The following BTD variants were observed in gnomAD, a reference collection of about 807,000 sequenced individuals.
The protein encoded by BTD is biotinidase, also known as biocytinase.
BTD carries 13 observed loss-of-function variants against 17.7 expected under a neutral mutation model. The observed-to-expected ratio is 0.74, with a 90% CI of 0.48 to 1.17. The LOEUF (loss-of-function observed/expected upper bound fraction) is 1.17. Among genes scored for constraint, BTD ranks in the 50% most tolerant of loss-of-function variants. The probability of loss-of-function intolerance (pLI) is 0.00; values close to 1 mark genes in which losing one functional copy is unlikely to be tolerated. For synonymous variants in BTD, 240 were observed against 245.2 expected, an observed-to-expected ratio of 0.98 and a Z score of 0.20; for missense variants, 674 against 650.4, an observed-to-expected ratio of 1.04 and a Z score of -0.39.
chr3:15,677,531 C>A, intron 3 of BTD: 1 of 1,612,968 alleles, frequency 6.2e-7, no homozygotes, highest in South Asian at 1.1e-5. Context: ...CTTGTAAAGT[C>A]AGTTCTGCAC....
At chr3:15,685,981 A>C (rs144141033) in intron 3 of BTD, 1 of 1,595,180 alleles carries the variant, frequency 6.3e-7, no homozygotes, top group Admixed American at 1.7e-5. Context: ...TTTTGAAAGG[A>C]AAGAGCATAT....
chr3:15,608,855 T>A (rs2064535072), intron 1 of BTD, among the ~76,000 whole-genome samples: 1 of 152,168 alleles, frequency 6.6e-6, no homozygotes. Context: ...CAAGCAGCTA[T>A]CACCCATGTA....
chr3:15,686,707 C>A (rs1030785894), intron 3 of BTD, among the ~76,000 whole-genome samples: 2 of 152,308 alleles, frequency 1.3e-5, no homozygotes, highest in South Asian at 4.1e-4. Flanking sequence ...TTAAGGTGAG[C>A]AGCACAGGAA....
At chr3:15,619,160 A>T (rs1231452772) in intron 1 of BTD, among the ~76,000 whole-genome samples, 1 of 152,228 alleles carries the variant, frequency 6.6e-6, no homozygotes, top group East Asian at 1.9e-4. Flanking sequence ...CTCACCACTA[A>T]CTGTGATGTT....
rs994840514 is a variant in BTD at position 15,653,240 on chromosome 3, C to T, written c.*7752C>T. Among the ~76,000 whole-genome samples, 4 of 152,262 alleles carry T rather than the reference C, an allele frequency of 2.6e-5. No individual in the cohort carries two copies. Among genetic ancestry groups the T allele is most frequent in the African/African-American group, 9.6e-5 (4 of 41,468 alleles). On this transcript the variant is annotated 3_prime_UTR_variant, in exon 4 of 4. Transcript: ENST00000643237. Reference sequence around the variant, plus strand: ...CATCAATCTGTGTTTAACAAGTCCTCCAGGTGATTCCGATCCTAATCAAGT... The same window carrying T: ...CATCAATCTGTGTTTAACAAGTCCTTCAGGTGATTCCGATCCTAATCAAGT...
downstream of BTD, among the ~76,000 whole-genome samples, chr3:15,656,083 A>G (rs898476342): frequency 1.3e-5 from 2 of 152,270 alleles, no homozygotes; most frequent in Non-Finnish European, 2.9e-5. Context: ...GATTACAGGC[A>G]TGAGCCACTG....
chr3:15,668,614 TCA>T (rs2066101768), intron 3 of BTD: 1 of 152,558 alleles, frequency 6.6e-6, no homozygotes, highest in South Asian at 2.1e-4. Context: ...TAAATACAAC[TCA>T]CATCTGTGTT....
intron 3 of BTD, among the ~76,000 whole-genome samples, chr3:15,691,547 T>G (rs1211657795): frequency 1.3e-5 from 2 of 152,134 alleles, no homozygotes; most frequent in African/African-American, 4.8e-5. Context: ...CATAAAGAAA[T>G]AAATAAACTT....
chr3:15,650,354 C>A lies in BTD; in HGVS notation c.*4866C>A, dbSNP rs987878961. On this transcript the variant is annotated 3_prime_UTR_variant, in exon 4 of 4. Coordinates refer to ENST00000643237, the MANE Select transcript of BTD (RefSeq NM_001370658.1). The stretch of plus-strand genomic sequence containing the variant: ...AAATTACCAATATATGAACTCTAGG[C>A]ATCATGCATATATAATTTTTTGTAG... Among the ~76,000 whole-genome samples the A allele has an allele frequency of 1.3e-5, 2 of 151,892 alleles. No homozygotes were observed. Among genetic ancestry groups the A allele is most frequent in the Non-Finnish European group, 2.9e-5 (2 of 68,028 alleles).
At chr3:15,671,562 A>C (rs2066353748) in intron 3 of BTD, among the ~76,000 whole-genome samples, 1 of 150,722 alleles carries the variant, frequency 6.6e-6, no homozygotes, top group South Asian at 2.1e-4. Context: ...TTCAACTTGG[A>C]GTCATAAACA....
chr3:15,717,421 C>T (rs1464381381), downstream of BTD, among the ~76,000 whole-genome samples: 2 of 151,616 alleles, frequency 1.3e-5, no homozygotes. Flanking sequence ...GACACGTTAG[C>T]GGGGAGAAGG....
rs1461293882 is a variant in BTD at position 15,653,341 on chromosome 3, A to C, written c.*7853A>C. 6.6e-6 allele frequency among the ~76,000 whole-genome samples: 1 copy of C among 152,278 alleles called. No homozygotes were observed. The highest frequency in any genetic ancestry group is 2.4e-5 in the African/African-American group (1 of 41,480). On this transcript the variant is annotated 3_prime_UTR_variant, in exon 4 of 4. Transcript: ENST00000643237. ...AATCATCACCTCAGTCCTCTGAAAC[A>C]GGCAAGTGTGTCCATTTTACAGAAG...
rs1481222708 is a variant in BTD, at chr3:15,645,346, C to T, written c.1430C>T (p.Pro477Leu). ...WGNFSTSYIF[P>L]LFLTSGMTLE... ...AACTTCAGTACTTCCTATATCTTTCCTTTGTTTCTGACCTCAGGGATGACC... is the reference window on the plus strand; with the variant it reads ...AACTTCAGTACTTCCTATATCTTTCTTTTGTTTCTGACCTCAGGGATGACC... The change falls in exon 4 of 4, where the codon CCT becomes CTT. Residue 477 changes from proline (P) to leucine (L), a missense_variant. Physicochemically the swap from Pro to Leu is moderately conservative, Grantham distance 98 (BLOSUM62 -3). Coordinates refer to ENST00000643237, the MANE Select transcript of BTD (RefSeq NM_001370658.1). The T allele has an allele frequency of 1.2e-6, 2 of 1,614,066 alleles. No homozygotes were observed. The highest frequency in any genetic ancestry group is 1.3e-5 in the African/African-American group (1 of 74,916).
chr3:15,648,853 AGAT>A lies in BTD; in HGVS notation c.*3368_*3370del, dbSNP rs2065752107. Reference sequence around the variant, plus strand: ...AGGAGAAGACACACACACAGGGAGAAGATGACCATGTGACAACAGGGGCAGAGA... The same window carrying A: ...AGGAGAAGACACACACACAGGGAGAAGACCATGTGACAACAGGGGCAGAGA... On this transcript the variant is annotated 3_prime_UTR_variant, in exon 4 of 4. Coordinates refer to ENST00000643237, the MANE Select transcript of BTD (RefSeq NM_001370658.1). Among the ~76,000 whole-genome samples, 1 of 151,966 alleles carries A rather than the reference AGAT, an allele frequency of 6.6e-6. No individual in the cohort carries two copies. The highest frequency in any genetic ancestry group is 2.1e-4 in the South Asian group (1 of 4,812).
At chr3:15,704,252 G>A (rs532120599) in intron 3 of BTD, among the ~76,000 whole-genome samples, 2 of 152,096 alleles carry the variant, frequency 1.3e-5, no homozygotes, top group Non-Finnish European at 1.5e-5. Context: ...TACCAAGAAC[G>A]CAGGCATCAG....
At chr3:15,609,402 C>A (rs559607601) in intron 1 of BTD, among the ~76,000 whole-genome samples, 1 of 152,194 alleles carries the variant, frequency 6.6e-6, no homozygotes, top group East Asian at 1.9e-4. Flanking sequence ...GATATTTGGT[C>A]ATTTTTAGTT....
intron 2 of BTD, among the ~76,000 whole-genome samples, chr3:15,637,299 T>C (rs544597543): frequency 2.0e-5 from 3 of 152,212 alleles, no homozygotes; most frequent in East Asian, 3.9e-4. Flanking sequence ...TAGAGAACTC[T>C]CACCTGTCGC....
intron 1 of BTD, among the ~76,000 whole-genome samples, chr3:15,634,330 G>A (rs764478707): frequency 1.1e-4 from 17 of 152,096 alleles, no homozygotes; most frequent in African/African-American, 1.4e-4. Flanking sequence ...CTTTTAATCC[G>A]GATTCCTGGG....
rs555061585 is a variant in BTD at position 15,704,197 on chromosome 3, T to C, written c.400-5863T>C. The stretch of plus-strand genomic sequence containing the variant: ...TATATTTGTTTGCTGGATTCTTACA[T>C]GATGTAAAATAAAGACACTTCAGAG... On this transcript the variant is annotated intron_variant, in intron 3 of 3. Coordinates refer to the BTD transcript ENST00000672141. 1.1e-4 allele frequency among the ~76,000 whole-genome samples: 17 copies of C among 152,238 alleles called. No homozygotes were observed. The East Asian group carries it at 3.1e-3, about 28-fold the overall frequency.
Sources: allele counts gnomAD v4.1 joint callset (sites outside exome capture counted in the v4.1 genomes callset), GRCh38; gene constraint gnomAD v4.1.1; transcripts MANE v1.5; gene names NCBI Gene and HGNC (gene_info 2026-07-23, HGNC 2026-07-21).